The following PKD1L1 variants were observed in gnomAD, a reference collection of about 807,000 sequenced individuals.
PKD1L1 encodes polycystin-1-like protein 1.
A neutral mutation model predicts 323.4 loss-of-function variants in PKD1L1; 236 were observed. The ratio of observed to expected loss-of-function variants is 0.73; its 90% CI spans 0.66 to 0.81. The LOEUF (loss-of-function observed/expected upper bound fraction) is 0.81, where lower values mean the gene tolerates loss of function less well. Among genes scored for constraint, PKD1L1 ranks in the 40% least tolerant of loss-of-function variants. PKD1L1 has a pLI of 0.00. For missense variants in PKD1L1, 3,320 were observed against 3,508.0 expected (o/e 0.95, Z 1.35); for synonymous variants, 1,344 against 1,335.0 (o/e 1.01, Z -0.15).
chr7:47,929,561 A>ACAGTGGACC (rs747932958), intron 6 of PKD1L1, 35 bp from the exon 7 acceptor site: 7 of 1,555,554 alleles, frequency 4.5e-6, no homozygotes, highest in Non-Finnish European at 5.3e-6. Context: ...AGATTTCATG[A>ACAGTGGACC]CAGTGGACCA....
At chr7:47,895,147 T>C (rs1329236931) in intron 14 of PKD1L1, among the ~76,000 whole-genome samples, 1 of 152,144 alleles carries the variant, frequency 6.6e-6, no homozygotes, top group African/African-American at 2.4e-5. Context: ...TTGGGGAAGA[T>C]GCAGGGCTGT....
At chr7:47,851,866 A>AT (rs2128740789) in intron 31 of PKD1L1, among the ~76,000 whole-genome samples, 1 of 152,320 alleles carries the variant, frequency 6.6e-6, no homozygotes, top group Non-Finnish European at 1.5e-5. Flanking sequence ...GGTGTTGTAG[A>AT]TTTTTAAAGG....
rs1274997876 is a variant in PKD1L1 at position 47,840,588 on chromosome 7, T to G, written c.5446-21A>C. The G allele has an allele frequency of 6.3e-6, 10 of 1,580,592 alleles. No homozygotes were observed. The highest frequency in any genetic ancestry group is 8.7e-6 in the Non-Finnish European group (10 of 1,150,432). On this transcript the variant is annotated intron_variant, in intron 34 of 56. Transcript: ENST00000289672. This position sits in a 1 kb window ranked among gnomAD's most constrained non-coding sequence, Gnocchi z 4.1. ...TACACCTCAAAACAAAGAACAGGGG[T>G]GGGAACTCAGGCTATTTCACAGCAG... is the stretch of plus-strand genomic sequence containing the variant.
intron 26 of PKD1L1, 70 bp downstream of exon 26, chr7:47,865,146 T>C (rs1786134977): frequency 6.1e-6 from 7 of 1,154,354 alleles, no homozygotes; most frequent in Non-Finnish European, 2.5e-6. Context: ...AGTGTATTTT[T>C]CAAGAACTGA....
At chr7:47,837,116 G>T in intron 36 of PKD1L1, 22 bp from the exon 37 acceptor site, 1 of 1,612,368 alleles carries the variant, frequency 6.2e-7, no homozygotes, top group Non-Finnish European at 8.5e-7. Context: ...AGCAGGAGAA[G>T]TGTTCCCTGA....
intron 34 of PKD1L1, 135 bp downstream of exon 34, chr7:47,842,827 G>C (rs1785589077): frequency 1.2e-6 from 1 of 818,568 alleles, no homozygotes; most frequent in Non-Finnish European, 1.9e-6. Context: ...GAAAGGGCGG[G>C]CAAGCTTTGC....
chr7:47,880,267 TATA>T (rs1562970444), intron 21 of PKD1L1, among the ~76,000 whole-genome samples: 20 of 77,496 alleles, frequency 2.6e-4, no homozygotes, highest in African/African-American at 3.6e-4. Flanking sequence ...TATATATACA[TATA>T]TATATATATA....
intron 4 of PKD1L1, among the ~76,000 whole-genome samples, chr7:47,936,543 T>C (rs1787870256): frequency 1.3e-5 from 2 of 152,234 alleles, no homozygotes; most frequent in Non-Finnish European, 2.9e-5. Context: ...GTTGAGTGCT[T>C]GTACCCAGAA....
Position 47,929,525 on chromosome 7 carries a change from A to T in PKD1L1, c.739T>A (p.Ser247Thr). ...ISHFPTSPRS[S>T]HGLPPGIPRT... is the part of the protein sequence containing the mutation. The stretch of plus-strand genomic sequence containing the variant: ...GGAATGCCAGGCGGAAGGCCGTGGG[A>T]GCTGTGGGAGAGAGGGAGAGGCTTC... The change falls in exon 7 of 57, where the codon TCC (serine) becomes ACC (threonine). Residue 247 changes from serine (S) to threonine (T), a missense_variant and splice_region_variant. Transcript: ENST00000289672. 2 of 1,610,782 alleles carry T rather than the reference A, an allele frequency of 1.2e-6. No individual in the cohort carries two copies. Among genetic ancestry groups the T allele is most frequent in the Non-Finnish European group, 1.7e-6 (2 of 1,177,960 alleles).
intron 7 of PKD1L1, among the ~76,000 whole-genome samples, chr7:47,920,683 T>C (rs752108986): frequency 2.0e-5 from 3 of 152,136 alleles, no homozygotes; most frequent in African/African-American, 7.2e-5. Context: ...GGGACTGGTA[T>C]AAAAATAAGC....
At chr7:47,849,760 G>C (rs949177994) in intron 31 of PKD1L1, among the ~76,000 whole-genome samples, 4 of 152,074 alleles carry the variant, frequency 2.6e-5, no homozygotes, top group African/African-American at 9.7e-5. Flanking sequence ...TAGTACAACA[G>C]AACCAACCTA....
At chr7:47,834,552 T>A (rs1200510379) in intron 39 of PKD1L1, among the ~76,000 whole-genome samples, 167 bp from the exon 40 acceptor site, 1 of 152,170 alleles carries the variant, frequency 6.6e-6, no homozygotes, top group Non-Finnish European at 1.5e-5. Context: ...AACGAGGACT[T>A]TTGTTGATGC....
At chr7:47,780,357 C>T (rs138001149) in intron 56 of PKD1L1, among the ~76,000 whole-genome samples, 49 of 152,248 alleles carry the variant, frequency 3.2e-4, no homozygotes, top group Admixed American at 1.1e-3. Context: ...ATTGGCCTGG[C>T]GCTGTGGCTC....
intron 8 of PKD1L1, among the ~76,000 whole-genome samples, chr7:47,913,085 C>G (rs1012150879): frequency 6.6e-6 from 1 of 151,938 alleles, no homozygotes; most frequent in Non-Finnish European, 1.5e-5. Flanking sequence ...ACTTGGAGAA[C>G]CATGGTTACA....
Position 47,845,004 on chromosome 7 carries a change from T to C in PKD1L1, c.5228A>G (p.Lys1743Arg), listed in dbSNP as rs2128739107. ...AGGAAATGGAACTTACCTCTGTAGC[T>C]TGGAAATGTCACTCACTTCAAAACT... ...KASFEVSDIS[K>R]LQSHPENLLP... Residue 1743 changes from lysine (K) to arginine (R), a missense_variant, in exon 33 of 57, where the codon AAG becomes AGG. Lys to Arg is a conservative substitution (Grantham distance 26). Coordinates refer to ENST00000289672, the MANE Select transcript of PKD1L1 (RefSeq NM_138295.5). 2 of 1,613,538 alleles carry C rather than the reference T, an allele frequency of 1.2e-6. No homozygotes were observed. Among genetic ancestry groups the C allele is most frequent in the Non-Finnish European group, 1.7e-6 (2 of 1,179,580 alleles).
chr7:47,801,543 T>C (rs1784662611), intron 53 of PKD1L1, among the ~76,000 whole-genome samples: 1 of 152,150 alleles, frequency 6.6e-6, no homozygotes, highest in South Asian at 2.1e-4. Context: ...GCTGTGTGTG[T>C]AGACTGTGGA....
intron 56 of PKD1L1, among the ~76,000 whole-genome samples, chr7:47,781,732 A>G (rs991050505): frequency 6.6e-6 from 1 of 152,130 alleles, no homozygotes; most frequent in Admixed American, 6.6e-5. Flanking sequence ...TCAATTTTTA[A>G]AGTTCCAATT....
rs748437213 is a variant in PKD1L1, at chr7:47,904,339, T to C, written c.1931+39A>G. The C allele has an allele frequency of 1.9e-6, 3 of 1,612,480 alleles. No individual in the cohort carries two copies. The African/African-American group carries it at 4.0e-5, about 22-fold the overall frequency. Reference sequence around the variant, plus strand: ...TGCCTTAAGACTCTGATTCCCGCGCTGTCTGTAGAGAGCACTCCGCCGCCT... The same window carrying C: ...TGCCTTAAGACTCTGATTCCCGCGCCGTCTGTAGAGAGCACTCCGCCGCCT... On this transcript the variant is annotated intron_variant, in intron 12 of 56. Coordinates refer to ENST00000289672, the MANE Select transcript of PKD1L1 (RefSeq NM_138295.5).
At chr7:47,811,704 G>C in intron 50 of PKD1L1, 113 bp downstream of exon 50, 2 of 788,098 alleles carry the variant, frequency 2.5e-6, no homozygotes, top group South Asian at 3.5e-5. Flanking sequence ...AGTGTGACCG[G>C]AGGGGCAGGT....
Sources: allele counts gnomAD v4.1 joint callset (sites outside exome capture counted in the v4.1 genomes callset), GRCh38; gene constraint gnomAD v4.1.1; non-coding constraint Gnocchi (gnomAD v3.1); transcripts MANE v1.5; gene names NCBI Gene and HGNC (gene_info 2026-07-23, HGNC 2026-07-21).